DSCAM: variants seen among roughly 807,000 people sequenced by gnomAD.
DSCAM encodes cell adhesion molecule DSCAM.
A neutral mutation model predicts 217.7 loss-of-function variants in DSCAM; 47 were observed. The ratio of observed to expected loss-of-function variants is 0.22; its 90% CI spans 0.17 to 0.28. DSCAM has a LOEUF of 0.28. Among genes scored for constraint, DSCAM ranks in the 10% least tolerant of loss-of-function variants. The pLI is 1.00. For missense variants in DSCAM, 2,080 were observed against 2,618.3 expected (o/e 0.79, Z 4.49); for synonymous variants, 1,056 against 1,015.3 (o/e 1.04, Z -0.76).
At chr21:40,832,979 A>G (rs2092024261) in intron 1 of DSCAM, among the ~76,000 whole-genome samples, 1 of 152,206 alleles carries the variant, frequency 6.6e-6, no homozygotes, top group Non-Finnish European at 1.5e-5. Context: ...GAGCAAACCT[A>G]AACTGTGTTA....
chr21:40,054,215 T>A (rs2088978067), intron 29 of DSCAM, among the ~76,000 whole-genome samples: 1 of 152,230 alleles, frequency 6.6e-6, no homozygotes, highest in Non-Finnish European at 1.5e-5. Context: ...TTATCCCTTG[T>A]CCTGATACAA....
chr21:40,600,914 C>T (rs1224012158), intron 3 of DSCAM, among the ~76,000 whole-genome samples: 1 of 152,122 alleles, frequency 6.6e-6, no homozygotes, highest in Non-Finnish European at 1.5e-5. Flanking sequence ...CCTGTTCTTC[C>T]ACCAACACCA....
chr21:40,772,720 T>C (rs1285836278), intron 1 of DSCAM, among the ~76,000 whole-genome samples: 1 of 152,192 alleles, frequency 6.6e-6, no homozygotes, highest in Non-Finnish European at 1.5e-5. Flanking sequence ...GCCGGAATGG[T>C]GGGCATCTGC....
chr21:40,090,807 A>G (rs1180429758), intron 21 of DSCAM, among the ~76,000 whole-genome samples: 3 of 152,168 alleles, frequency 2.0e-5, no homozygotes, highest in Non-Finnish European at 4.4e-5. Context: ...GACATGCCTC[A>G]GTGCACAGAT....
chr21:40,576,230 G>A (rs1207258849), intron 3 of DSCAM, among the ~76,000 whole-genome samples: 2 of 152,158 alleles, frequency 1.3e-5, no homozygotes, highest in East Asian at 3.8e-4. Context: ...AAAATGTTTA[G>A]AAAAGAAACA....
chr21:40,044,162 C>G lies in DSCAM; in HGVS notation c.5299G>C (p.Asp1767His). Residue 1767 changes from aspartate (D) to histidine (H), a missense_variant, in exon 31 of 33, where the codon GAC becomes CAC. Asp to His is a moderately conservative substitution (Grantham distance 81, BLOSUM62 -1). Coordinates refer to ENST00000400454, the MANE Select transcript of DSCAM (RefSeq NM_001389.5). ...GCCCTGGGTGTTGGCAGCCTCCAGT[C>G]TGTGGTGAGGGTGTGTGCTGAGATG... The part of the protein sequence containing the change: ...PTISAHTLTT[D>H]WRLPTPRAAG... The G allele has an allele frequency of 6.2e-7, 1 of 1,614,186 alleles. No homozygotes were observed. The highest frequency in any genetic ancestry group is 8.5e-7 in the Non-Finnish European group (1 of 1,180,028).
intron 27 of DSCAM, among the ~76,000 whole-genome samples, chr21:40,065,602 C>T (rs1363025361): frequency 1.3e-5 from 2 of 152,178 alleles, no homozygotes; most frequent in African/African-American, 2.4e-5. Flanking sequence ...TGCCACTCCA[C>T]GGTTGGGGTC....
intron 3 of DSCAM, among the ~76,000 whole-genome samples, chr21:40,613,189 A>G (rs1170458737): frequency 6.6e-6 from 1 of 152,066 alleles, no homozygotes; most frequent in African/African-American, 2.4e-5. Context: ...TAAAACATAT[A>G]CTCTCACCTC....
intron 3 of DSCAM, among the ~76,000 whole-genome samples, chr21:40,381,963 T>C (rs2075030703): frequency 6.6e-6 from 1 of 152,238 alleles, no homozygotes; most frequent in Non-Finnish European, 1.5e-5. Context: ...TGTGTATTTA[T>C]GTGTATGCAT....
At position 40,167,283 on chromosome 21, in the gene DSCAM, C is replaced by T; in HGVS notation, c.2953G>A (p.Asp985Asn). Residue 985 changes from aspartate (D) to asparagine (N), a missense_variant, in exon 16 of 33, where the codon GAT becomes AAT. By Grantham distance (23) the Asp-to-Asn change is conservative. This residue lies in a region of DSCAM where 1,144 missense variants were observed against 1,421.1 expected (regional missense o/e 0.81). Transcript: ENST00000400454. ...LTITADEAAP[D>N]GPPQEVHLEP... ...AGGTGAACTTCCTGAGGTGGACCAT[C>T]AGGAGCTGTAAGGACCAAAAACCCA... 1 of 1,613,974 alleles carries T rather than the reference C, an allele frequency of 6.2e-7. No homozygotes were observed. The highest frequency in any genetic ancestry group is 8.5e-7 in the Non-Finnish European group (1 of 1,179,984).
chr21:40,102,026 C>T (rs1390726001), intron 20 of DSCAM, among the ~76,000 whole-genome samples: 1 of 152,062 alleles, frequency 6.6e-6, no homozygotes, highest in East Asian at 1.9e-4. Context: ...AGTTCAGTTG[C>T]AGTGTGTAGA....
At chr21:40,601,178 A>G (rs546673939) in intron 3 of DSCAM, among the ~76,000 whole-genome samples, 1 of 152,294 alleles carries the variant, frequency 6.6e-6, no homozygotes, top group Non-Finnish European at 1.5e-5. Flanking sequence ...CTCCATTTCT[A>G]TATATCTTGT....
chr21:40,789,834 C>T (rs962364790), intron 1 of DSCAM, among the ~76,000 whole-genome samples: 1 of 152,166 alleles, frequency 6.6e-6, no homozygotes, highest in East Asian at 1.9e-4. Context: ...GGATTACAGG[C>T]GTGAGCCACC....
intron 1 of DSCAM, among the ~76,000 whole-genome samples, chr21:40,771,428 T>C (rs1005389340): frequency 6.6e-6 from 1 of 151,470 alleles, no homozygotes; most frequent in Non-Finnish European, 1.5e-5. Flanking sequence ...AAAGGTGGAG[T>C]TTTGAAAGCA....
At chr21:40,475,637 C>A (rs1308628270) in intron 3 of DSCAM, among the ~76,000 whole-genome samples, 1 of 152,170 alleles carries the variant, frequency 6.6e-6, no homozygotes, top group Admixed American at 6.5e-5. Flanking sequence ...TCAAGACCAG[C>A]CTGACCAACA....
chr21:40,689,859 A>C (rs956216570), intron 3 of DSCAM, among the ~76,000 whole-genome samples: 4 of 152,308 alleles, frequency 2.6e-5, no homozygotes, highest in African/African-American at 9.6e-5. Flanking sequence ...GCTTCCCTGA[A>C]GGTCAGGGCT....
At chr21:40,153,316 G>C (rs975496331) in intron 16 of DSCAM, among the ~76,000 whole-genome samples, 1 of 152,214 alleles carries the variant, frequency 6.6e-6, no homozygotes, top group African/African-American at 2.4e-5. Context: ...CAGTGCTGAA[G>C]GTTTGCCCAG....
At chr21:40,420,828 T>C (rs960293556) in intron 3 of DSCAM, among the ~76,000 whole-genome samples, 5 of 152,212 alleles carry the variant, frequency 3.3e-5, no homozygotes, top group Non-Finnish European at 7.4e-5. Flanking sequence ...GACCAGAAGC[T>C]ACGATCAAGG....
At chr21:40,705,382 T>C (rs1242576182) in intron 2 of DSCAM, among the ~76,000 whole-genome samples, 1 of 151,726 alleles carries the variant, frequency 6.6e-6, no homozygotes, top group Non-Finnish European at 1.5e-5. Flanking sequence ...AAATGGTTGC[T>C]TCAGATATTT....
Sources: gnomAD v4.1 joint callset for allele counts (sites outside exome capture counted in the v4.1 genomes callset) on GRCh38, gnomAD v4.1.1 for gene constraint, gnomAD v4.1.1 regional missense constraint, MANE v1.5 for transcripts, NCBI Gene and HGNC (gene_info 2026-07-23, HGNC 2026-07-21) for gene names.